Variants in GMDS observed in about 807,000 individuals in gnomAD.
The protein encoded by GMDS is GDP-mannose 4,6-dehydratase.
GMDS carries 20 observed loss-of-function variants against 49.9 expected under a neutral mutation model. The ratio of observed to expected loss-of-function variants is 0.40; its 90% CI spans 0.28 to 0.58. GMDS has a LOEUF of 0.58. GMDS is among the 20% of genes least tolerant of loss of function. The pLI, the probability that GMDS is intolerant of heterozygous loss-of-function variation, is 0.42. For synonymous variants in GMDS, 177 were observed against 178.6 expected, an observed-to-expected ratio of 0.99 and a Z score of 0.07; for missense variants, 362 against 481.4, an observed-to-expected ratio of 0.75 and a Z score of 2.32.
intron 4 of GMDS, among the ~76,000 whole-genome samples, chr6:2,022,287 T>C (rs1276184716): frequency 6.6e-6 from 1 of 152,044 alleles, no homozygotes; most frequent in Non-Finnish European, 1.5e-5. Context: ...ACCTTCAAGG[T>C]ACTAATTGTA....
chr6:1,879,024 TC>T (rs34198428), intron 7 of GMDS, among the ~76,000 whole-genome samples: 1 of 152,160 alleles, frequency 6.6e-6, no homozygotes, highest in Non-Finnish European at 1.5e-5. Flanking sequence ...CTGTTGTCCA[TC>T]CCCAGAGTGA....
At chr6:1,767,389 T>C (rs767856165) in intron 7 of GMDS, among the ~76,000 whole-genome samples, 4 of 152,110 alleles carry the variant, frequency 2.6e-5, no homozygotes, top group Non-Finnish European at 4.4e-5. Flanking sequence ...AAATTTTGGG[T>C]TAAAAGGAAA....
chr6:1,735,043 G>A (rs1202828033), intron 8 of GMDS, among the ~76,000 whole-genome samples: 1 of 152,208 alleles, frequency 6.6e-6, no homozygotes, highest in African/African-American at 2.4e-5. Context: ...CCCAACTGGG[G>A]CATATTAGCC....
Position 1,723,351 on chromosome 6 carries a change from GAGTCTC to G in GMDS, c.987+3059_987+3064del, listed in dbSNP as rs1290547076. On this transcript the variant is annotated intron_variant, in intron 9 of 10. Coordinates refer to ENST00000380815, the MANE Select transcript of GMDS (RefSeq NM_001500.4). ...GGCATTTTTTTTTTTTTTTTAGACG[GAGTCTC>G]GCTCTGTGGCCCAGGCTGGAGTGCA... is the stretch of plus-strand genomic sequence containing the variant. Among the ~76,000 whole-genome samples, 8 of 129,708 alleles carry G rather than the reference GAGTCTC, an allele frequency of 6.2e-5. No individual in the cohort carries two copies. The East Asian group carries it at 1.8e-3, about 30-fold the overall frequency. The allele number at this position is 129,708 out of a possible 152,430, so 85.1% of individuals were successfully genotyped here.
chr6:1,923,294 C>T (rs573446555), intron 7 of GMDS, among the ~76,000 whole-genome samples: 2 of 152,218 alleles, frequency 1.3e-5, no homozygotes, highest in Non-Finnish European at 2.9e-5. Context: ...TGCGGGTACC[C>T]AAAAAAAGCT....
At chr6:1,946,999 T>G (rs1763101781) in intron 6 of GMDS, among the ~76,000 whole-genome samples, 2 of 152,234 alleles carry the variant, frequency 1.3e-5, no homozygotes, top group Admixed American at 1.3e-4. Context: ...TTCTGCACAT[T>G]TTTTGGAAAG....
chr6:2,015,903 C>T (rs73410424), intron 4 of GMDS, among the ~76,000 whole-genome samples: 5 of 151,864 alleles, frequency 3.3e-5, no homozygotes, highest in Non-Finnish European at 4.4e-5. Flanking sequence ...TTCTTAGCAA[C>T]CTCAGTTTAT....
chr6:2,229,727 C>T (rs1036795718), intron 1 of GMDS, among the ~76,000 whole-genome samples: 6 of 152,174 alleles, frequency 3.9e-5, no homozygotes, highest in Admixed American at 3.9e-4. Context: ...CCCAGATCAT[C>T]CCTGACAAAA....
intron 4 of GMDS, among the ~76,000 whole-genome samples, chr6:2,079,480 T>A (rs1395539794): frequency 6.6e-6 from 1 of 152,154 alleles, no homozygotes; most frequent in Non-Finnish European, 1.5e-5. Flanking sequence ...GTTTTCATGA[T>A]GGTAAATGTA....
chr6:1,919,378 T>G (rs1192108427), intron 7 of GMDS, among the ~76,000 whole-genome samples: 2 of 152,202 alleles, frequency 1.3e-5, no homozygotes, highest in Non-Finnish European at 2.9e-5. Context: ...ATGGAGTAAT[T>G]TCATCCCTTT....
intron 9 of GMDS, among the ~76,000 whole-genome samples, chr6:1,642,867 C>T (rs892107643): frequency 8.5e-5 from 13 of 152,180 alleles, no homozygotes; most frequent in Non-Finnish European, 1.6e-4. Flanking sequence ...CCGGGCCCCA[C>T]GAAGCCCCTT....
At chr6:2,169,636 A>C (rs533264792) in intron 1 of GMDS, among the ~76,000 whole-genome samples, 369 of 151,566 alleles carry the variant, frequency 2.4e-3, no homozygotes, top group Non-Finnish European at 4.4e-3. Flanking sequence ...AAAAAAAAAA[A>C]CAAAAAAAAA....
Position 1,805,781 on chromosome 6 carries a change from T to C in GMDS, c.772-63195A>G, listed in dbSNP as rs145496855. Among the ~76,000 whole-genome samples the C allele has an allele frequency of 5.6e-4, 85 of 152,354 alleles. 1 individual carries two copies. The East Asian group carries it at 0.015, about 27-fold the overall frequency. ...AATGTTGCAGTTTTATCTCCTACTATGGTTGATAGATATAACCCACATAAG... is the reference window on the plus strand; with the variant it reads ...AATGTTGCAGTTTTATCTCCTACTACGGTTGATAGATATAACCCACATAAG... On this transcript the variant is annotated intron_variant, in intron 7 of 10. Transcript: ENST00000380815.
At chr6:2,068,917 T>G (rs1047629150) in intron 4 of GMDS, among the ~76,000 whole-genome samples, 4 of 152,192 alleles carry the variant, frequency 2.6e-5, no homozygotes, top group Non-Finnish European at 4.4e-5. Context: ...AAAAAACTGC[T>G]TTAAAGTTCA....
chr6:2,210,808 GC>G (rs749444644), intron 1 of GMDS, among the ~76,000 whole-genome samples: 7 of 152,156 alleles, frequency 4.6e-5, no homozygotes, highest in Non-Finnish European at 7.4e-5. Flanking sequence ...ACATGGTTTG[GC>G]TCTGTGTCCC....
chr6:1,999,991 A>ATTT (rs1766638052), intron 4 of GMDS, among the ~76,000 whole-genome samples: 2 of 15,990 alleles, frequency 1.3e-4, no homozygotes, highest in East Asian at 1.4e-3. Flanking sequence ...TTTTATATAT[A>ATTT]TATATTATAT....
At chr6:1,628,126 G>C (rs1490282161) in intron 9 of GMDS, among the ~76,000 whole-genome samples, 1 of 152,188 alleles carries the variant, frequency 6.6e-6, no homozygotes, top group Admixed American at 6.5e-5. Context: ...GGCATGTTTG[G>C]CTGCAGCCAT....
At chr6:1,850,508 G>A (rs1256956892) in intron 7 of GMDS, among the ~76,000 whole-genome samples, 1 of 152,142 alleles carries the variant, frequency 6.6e-6, no homozygotes, top group African/African-American at 2.4e-5. Flanking sequence ...GAATGCACCT[G>A]TTAATTTTGC....
At chr6:1,788,512 A>C (rs1436940179) in intron 7 of GMDS, among the ~76,000 whole-genome samples, 1 of 152,196 alleles carries the variant, frequency 6.6e-6, no homozygotes, top group Non-Finnish European at 1.5e-5. Flanking sequence ...GTTACAAGAA[A>C]GAGGTAGTTT....
Sources: allele counts gnomAD v4.1 joint callset (sites outside exome capture counted in the v4.1 genomes callset), GRCh38; gene constraint gnomAD v4.1.1; transcripts MANE v1.5; gene names NCBI Gene and HGNC (gene_info 2026-07-23, HGNC 2026-07-21).